The following CATSPERT variants were observed in gnomAD, a reference collection of about 807,000 sequenced individuals.
CATSPERT encodes cation channel sperm-associated targeting subunit tau.
At chr2:201,581,544 GTGTGTATATATATATATATA>G in the CATSPERT span, among the ~76,000 whole-genome samples, 4 of 9,380 alleles carry the variant, frequency 4.3e-4, no homozygotes, top group Non-Finnish European at 7.7e-4. Context: ...GGAAAAAAAT[GTGTGTATATATATATATATA>G]TATATATATA....
chr2:201,525,791 A>G, the CATSPERT span, among the ~76,000 whole-genome samples: 2,865 of 152,286 alleles, frequency 0.019, 90 homozygotes, highest in African/African-American at 0.064. Context: ...GAACATTATC[A>G]TCAACTCCAC....
the CATSPERT span, among the ~76,000 whole-genome samples, chr2:201,531,248 C>G: frequency 6.6e-6 from 1 of 152,020 alleles, no homozygotes; most frequent in East Asian, 1.9e-4. Context: ...GGTGAGCCAC[C>G]GCGCCTGGCC....
chr2:201,531,538 C>G, the CATSPERT span, among the ~76,000 whole-genome samples: 134 of 152,074 alleles, frequency 8.8e-4, no homozygotes, highest in African/African-American at 3.2e-3. Flanking sequence ...AGAAAGAATA[C>G]TAGGGATGGA....
chr2:201,498,123 T>C, the CATSPERT span, among the ~76,000 whole-genome samples: 1 of 152,124 alleles, frequency 6.6e-6, no homozygotes, highest in Admixed American at 6.6e-5. Context: ...AGGATATATG[T>C]ATATATAAAA....
chr2:201,560,985 G>A, the CATSPERT span, among the ~76,000 whole-genome samples: 1 of 152,062 alleles, frequency 6.6e-6, no homozygotes, highest in African/African-American at 2.4e-5. Flanking sequence ...TTTTCACCAT[G>A]TTGGCCAGGT....
chr2:201,557,975 A>G, the CATSPERT span: 1 of 152,104 alleles, frequency 6.6e-6, no homozygotes, highest in African/African-American at 2.4e-5. Flanking sequence ...TTTTTTGCTT[A>G]TTACTGTAAG....
the CATSPERT span, among the ~76,000 whole-genome samples, chr2:201,563,627 C>A: frequency 1.3e-5 from 2 of 152,162 alleles, no homozygotes; most frequent in Non-Finnish European, 2.9e-5. Flanking sequence ...CTTTTTGATA[C>A]CTTTGTAGTT....
At chr2:201,592,727 C>T in the CATSPERT span, among the ~76,000 whole-genome samples, 3 of 152,012 alleles carry the variant, frequency 2.0e-5, no homozygotes, top group South Asian at 2.1e-4. Flanking sequence ...TATGTGCCGA[C>T]GAATTTATCC....
At chr2:201,601,526 C>A in the CATSPERT span, among the ~76,000 whole-genome samples, 1 of 151,946 alleles carries the variant, frequency 6.6e-6, no homozygotes, top group African/African-American at 2.4e-5. Context: ...AAGAAATCTA[C>A]TAAGATTATG....
At chr2:201,591,498 G>A in the CATSPERT span, among the ~76,000 whole-genome samples, 1 of 152,146 alleles carries the variant, frequency 6.6e-6, no homozygotes, top group African/African-American at 2.4e-5. Flanking sequence ...GAACTTTAAA[G>A]TAGCTTTTTC....
At chr2:201,568,164 G>T in the CATSPERT span, among the ~76,000 whole-genome samples, 2 of 152,118 alleles carry the variant, frequency 1.3e-5, no homozygotes, top group Non-Finnish European at 2.9e-5. Context: ...ATTTCACTGA[G>T]GTAGAAGGCC....
chr2:201,550,064 G>A, the CATSPERT span: 1 of 152,044 alleles, frequency 6.6e-6, no homozygotes, highest in African/African-American at 2.4e-5. Flanking sequence ...CCTACTTATG[G>A]AAATGTCAAT....
the CATSPERT span, chr2:201,574,181 A>G: frequency 6.5e-7 from 1 of 1,528,046 alleles, no homozygotes; most frequent in African/African-American, 1.4e-5. Context: ...GTTACAACAG[A>G]ATAATCTTTT....
At chr2:201,492,184 T>C in the CATSPERT span, 2 of 1,522,102 alleles carry the variant, frequency 1.3e-6, no homozygotes, top group Non-Finnish European at 1.8e-6. Flanking sequence ...TCTTGAATAT[T>C]TATTTTGCTT....
At chr2:201,613,189 C>T in the CATSPERT span, among the ~76,000 whole-genome samples, 1 of 152,234 alleles carries the variant, frequency 6.6e-6, no homozygotes. Flanking sequence ...TGTCTGACAG[C>T]TTTGAAGAGA....
chr2:201,582,067 A>T, the CATSPERT span: 1 of 1,591,844 alleles, frequency 6.3e-7, no homozygotes, highest in Non-Finnish European at 8.5e-7. Flanking sequence ...ACGTGATACC[A>T]AGGTGAAAAA....
the CATSPERT span, chr2:201,575,330 GAA>G: frequency 6.4e-7 from 1 of 1,560,602 alleles, no homozygotes; most frequent in Non-Finnish European, 8.7e-7. Context: ...ACCCTTTCTA[GAA>G]AAAAAAATAA....
chr2:201,549,269 C>T, the CATSPERT span, among the ~76,000 whole-genome samples: 2 of 152,058 alleles, frequency 1.3e-5, no homozygotes, highest in South Asian at 4.1e-4. Context: ...CTACAGGTCA[C>T]TGCCCTAATG....
At chr2:201,604,555 T>C in the CATSPERT span, 1 of 1,193,280 alleles carries the variant, frequency 8.4e-7, no homozygotes, top group Non-Finnish European at 1.2e-6. Flanking sequence ...CATATACTGT[T>C]TGATTATCAA....
Sources: allele counts gnomAD v4.1 joint callset (sites outside exome capture counted in the v4.1 genomes callset), GRCh38; gene constraint gnomAD v4.1.1; transcripts MANE v1.5; gene names NCBI Gene and HGNC (gene_info 2026-07-23, HGNC 2026-07-21).